The following G3BP2 variants were observed in gnomAD, a reference collection of about 807,000 sequenced individuals.
The protein encoded by G3BP2 is G3BP stress granule assembly factor 2.
Under a neutral mutation model 56.7 loss-of-function variants are expected in G3BP2, and 11 were observed. The ratio of observed to expected loss-of-function variants is 0.19; its 90% CI spans 0.12 to 0.32. The LOEUF (loss-of-function observed/expected upper bound fraction) is 0.32, where lower values mean the gene tolerates loss of function less well. Among genes scored for constraint, G3BP2 ranks in the 10% least tolerant of loss-of-function variants. The pLI is 1.00. For synonymous variants in G3BP2, 165 were observed against 191.6 expected, an observed-to-expected ratio of 0.86 and a Z score of 1.15; for missense variants, 340 against 610.9, an observed-to-expected ratio of 0.56 and a Z score of 4.67.
At chr4:75,706,940 C>T (rs1407120368) in intron 3 of G3BP2, among the ~76,000 whole-genome samples, 1 of 152,038 alleles carries the variant, frequency 6.6e-6, no homozygotes, top group Non-Finnish European at 1.5e-5. Flanking sequence ...TGCCTATAAT[C>T]CCAGCACTTT....
intron 3 of G3BP2, among the ~76,000 whole-genome samples, chr4:75,719,304 C>T (rs1227045784): frequency 6.8e-6 from 1 of 146,302 alleles, no homozygotes; most frequent in Admixed American, 6.9e-5. Context: ...GCCGAGATCC[C>T]GCCACTGCAC....
At chr4:75,647,416 T>C (rs1318814706) in intron 9 of G3BP2, among the ~76,000 whole-genome samples, 1 of 152,174 alleles carries the variant, frequency 6.6e-6, no homozygotes, top group Non-Finnish European at 1.5e-5. Flanking sequence ...AAATCAAATA[T>C]TAGTACTACA....
At chr4:75,674,718 A>ATTTTTTT (rs71203842), upstream of G3BP2, among the ~76,000 whole-genome samples, 4 of 71,418 alleles carry the variant, frequency 5.6e-5, no homozygotes, top group African/African-American at 2.4e-4. Flanking sequence ...ATATATATAT[A>ATTTTTTT]TTTTTTTTTT....
upstream of G3BP2, among the ~76,000 whole-genome samples, chr4:75,674,989 T>G (rs1343914085): frequency 1.3e-5 from 2 of 151,928 alleles, no homozygotes; most frequent in African/African-American, 4.8e-5. Flanking sequence ...TCCTAAAGTG[T>G]TGGGATTACA....
chr4:75,707,191 A>C (rs1160807979), intron 3 of G3BP2, among the ~76,000 whole-genome samples: 1 of 151,766 alleles, frequency 6.6e-6, no homozygotes, highest in African/African-American at 2.4e-5. Context: ...AAAAAAAAAA[A>C]AACAGAAAAC....
At position 75,673,315 on chromosome 4, in the gene G3BP2, G is replaced by A; in HGVS notation, c.-132C>T. 8.1e-7 allele frequency: 1 copy of A among 1,228,226 alleles called. No homozygotes were observed. The highest frequency in any genetic ancestry group is 1.0e-6 in the Non-Finnish European group (1 of 986,142). 76.1% of individuals were successfully genotyped at this position (1,228,226 alleles called of 1,614,324 possible). On this transcript the variant is annotated 5_prime_UTR_variant, in exon 1 of 12. Transcript: ENST00000359707. The stretch of plus-strand genomic sequence containing the variant: ...CGCCGCCCCCTTCCTCCGACAACTC[G>A]GAAGCCTCGGAAGCCGGAGAGCCGC...
intron 1 of G3BP2, among the ~76,000 whole-genome samples, chr4:75,669,319 CAT>C (rs957716631): frequency 1.3e-5 from 2 of 152,182 alleles, no homozygotes; most frequent in Admixed American, 6.5e-5. Context: ...TTAAAAGTGT[CAT>C]AATCTTCTCA....
At chr4:75,680,983 A>T (rs1444018907) in intron 3 of G3BP2, among the ~76,000 whole-genome samples, 4 of 88,766 alleles carry the variant, frequency 4.5e-5, no homozygotes, top group African/African-American at 1.6e-4. Context: ...TAAATAAAAA[A>T]TTAAAAAAAA....
chr4:75,647,190 T>C, intron 9 of G3BP2, 33 bp from the exon 10 acceptor site: 1 of 1,422,696 alleles, frequency 7.0e-7, no homozygotes, highest in South Asian at 1.3e-5. Flanking sequence ...TACTAAAGTT[T>C]ACAATATCAT....
chr4:75,673,718 G>C, upstream of G3BP2: 1 of 871,928 alleles, frequency 1.1e-6, no homozygotes, highest in Non-Finnish European at 1.5e-6. Flanking sequence ...GCGCAAGCGA[G>C]AGCTGGTTCG....
At chr4:75,716,626 C>T (rs1287695663) in intron 3 of G3BP2, among the ~76,000 whole-genome samples, 1 of 152,220 alleles carries the variant, frequency 6.6e-6, no homozygotes, top group Non-Finnish European at 1.5e-5. Context: ...AGCGATTCTC[C>T]TGCCTCAGCC....
intron 3 of G3BP2, among the ~76,000 whole-genome samples, chr4:75,712,664 C>G (rs1234167631): frequency 2.0e-5 from 3 of 152,116 alleles, no homozygotes; most frequent in African/African-American, 7.2e-5. Context: ...ATTACGATCA[C>G]TGGGAGAATA....
intron 3 of G3BP2, among the ~76,000 whole-genome samples, chr4:75,713,123 T>C (rs980833662): frequency 6.6e-6 from 1 of 152,224 alleles, no homozygotes; most frequent in East Asian, 1.9e-4. Context: ...GCAAGTTGCT[T>C]ACCTAGTTTT....
chr4:75,655,010 A>G, intron 7 of G3BP2, 56 bp downstream of exon 7: 2 of 1,190,506 alleles, frequency 1.7e-6, no homozygotes, highest in Non-Finnish European at 2.4e-6. Context: ...TACTTCATTA[A>G]CAGCACCAAA....
Position 75,678,842 on chromosome 4 carries a change from A to G in G3BP2, c.-24-16793T>C, listed in dbSNP as rs546625650. ...TAGGGTACAGTAAGGTTTAGACAATACATGTAAAACATTTTAACAGTGTCT... is the reference window on the plus strand; with the variant it reads ...TAGGGTACAGTAAGGTTTAGACAATGCATGTAAAACATTTTAACAGTGTCT... On this transcript the variant is annotated intron_variant, in intron 3 of 3. Coordinates refer to the G3BP2 transcript ENST00000499709. Among the ~76,000 whole-genome samples, 12 of 152,350 alleles carry G rather than the reference A, an allele frequency of 7.9e-5. No individual in the cohort carries two copies. The South Asian group carries it at 1.9e-3, about 24-fold the overall frequency.
chr4:75,650,212 A>ATCACC (rs1408870909), intron 8 of G3BP2, among the ~76,000 whole-genome samples: 2 of 152,050 alleles, frequency 1.3e-5, no homozygotes, highest in African/African-American at 4.8e-5. Context: ...AGGCGGGCAG[A>ATCACC]TCACCTGAGG....
intron 3 of G3BP2, among the ~76,000 whole-genome samples, chr4:75,708,941 T>C (rs1235924163): frequency 6.6e-6 from 1 of 152,090 alleles, no homozygotes; most frequent in Non-Finnish European, 1.5e-5. Flanking sequence ...TGAAACCCTG[T>C]CTATAAAAAA....
chr4:75,688,651 C>T (rs1234560633), intron 3 of G3BP2, among the ~76,000 whole-genome samples: 1 of 152,194 alleles, frequency 6.6e-6, no homozygotes, highest in Admixed American at 6.5e-5. Context: ...TTAGGTAAGG[C>T]CTGATTCACA....
rs1720060694 is a variant in G3BP2 at position 75,719,416 on chromosome 4, T to TGAGTACTTA, written c.-25+1452_-25+1460dup. 2.0e-5 allele frequency among the ~76,000 whole-genome samples: 3 copies of TGAGTACTTA among 151,910 alleles called. No homozygotes were observed. The South Asian group carries it at 6.2e-4, about 32-fold the overall frequency. On this transcript the variant is annotated intron_variant, in intron 3 of 3. Transcript: ENST00000499709. ...TCAGGGTCTCCACTCTAATCATTAT[T>TGAGTACTTA]GAGTACTTACTATGTTTCAAGTACT...
Sources: gnomAD v4.1 joint callset for allele counts (sites outside exome capture counted in the v4.1 genomes callset) on GRCh38, gnomAD v4.1.1 for gene constraint, MANE v1.5 for transcripts, NCBI Gene and HGNC (gene_info 2026-07-23, HGNC 2026-07-21) for gene names.